The following ITPKB variants were observed in gnomAD, a reference collection of about 807,000 sequenced individuals.
The protein encoded by ITPKB is IP3 3-kinase B.
Under a neutral mutation model 69.4 loss-of-function variants are expected in ITPKB, and 13 were observed. The ratio of observed to expected loss-of-function variants is 0.19; its 90% CI spans 0.12 to 0.30. ITPKB has a LOEUF of 0.30. Ranked by LOEUF, ITPKB falls within the 10% of genes least tolerant of loss-of-function variation. ITPKB has a pLI of 1.00. For missense variants in ITPKB, 1,240 were observed against 1,250.5 expected, an observed-to-expected ratio of 0.99 and a Z score of 0.13; for synonymous variants, 584 against 513.7, an observed-to-expected ratio of 1.14 and a Z score of -1.85.
In ITPKB at chr1:226,633,313, T is replaced by G. The variant is rs893180796; in HGVS notation, c.*1358A>C. ...AGTCTCCCTCTGTGTCCCTAGCTCC[T>G]GGACTCTCCCAGCTCCTGTACCTCT... On this transcript the variant is annotated 3_prime_UTR_variant, in exon 8 of 8. Transcript: ENST00000429204. 6.6e-6 allele frequency: 1 copy of G among 152,156 alleles called. No homozygotes were observed. Among genetic ancestry groups the G allele is most frequent in the African/African-American group, 2.4e-5 (1 of 41,412 alleles). The allele number at this position is 152,156 out of a possible 1,614,324, so 9.4% of individuals were successfully genotyped here.
rs1430853334 is a variant in ITPKB at position 226,738,718 on chromosome 1, C to T, written c.-206+323G>A. Among the ~76,000 whole-genome samples the T allele has an allele frequency of 2.0e-5, 3 of 152,180 alleles. No homozygotes were observed. The highest frequency in any genetic ancestry group is 4.8e-5 in the African/African-American group (2 of 41,448). ...AGCGCCGCGGAGCGCAGGGCTTCTC[C>T]GCATCCCGGGCAGCCTCGCCCGGCG... On this transcript the variant is annotated intron_variant, in intron 1 of 7. Transcript: ENST00000429204. This position sits in a 1 kb window ranked among gnomAD's most constrained non-coding sequence, Gnocchi z 4.2.
chr1:226,636,918 T>G (rs1434160488), intron 7 of ITPKB, among the ~76,000 whole-genome samples: 1 of 152,052 alleles, frequency 6.6e-6, no homozygotes, highest in African/African-American at 2.4e-5. Context: ...TATGAATGTG[T>G]GTGCATGCAT....
At chr1:226,733,379 T>C (rs1445492592) in intron 2 of ITPKB, among the ~76,000 whole-genome samples, 1 of 152,170 alleles carries the variant, frequency 6.6e-6, no homozygotes, top group Admixed American at 6.5e-5. Flanking sequence ...TGGCCTTCTG[T>C]AGACAAAATA....
At chr1:226,638,719 G>T (rs1218400647) in intron 6 of ITPKB, among the ~76,000 whole-genome samples, 1 of 152,100 alleles carries the variant, frequency 6.6e-6, no homozygotes, top group Admixed American at 6.6e-5. Context: ...GAGACAGCTC[G>T]CCAGCTCTTG....
rs1668741595 is a variant in ITPKB at position 226,632,133 on chromosome 1, C to G, written c.*2538G>C. 1 of 152,660 alleles carries G rather than the reference C, an allele frequency of 6.6e-6. No homozygotes were observed. The allele number at this position is 152,660 out of a possible 1,614,324, so 9.5% of individuals were successfully genotyped here. On this transcript the variant is annotated 3_prime_UTR_variant, in exon 8 of 8. Coordinates refer to ENST00000429204, the MANE Select transcript of ITPKB (RefSeq NM_002221.4). The stretch of plus-strand genomic sequence containing the variant: ...TAACTTAAAAATGTCTTACATGACA[C>G]TAAAGGCAAGCCTGGGAAAAGCAAG...
intron 2 of ITPKB, chr1:226,707,938 C>A: frequency 7.5e-7 from 1 of 1,325,390 alleles, no homozygotes; most frequent in East Asian, 4.9e-5. Context: ...GAAAAGAGGT[C>A]ATTTTAACAA....
intron 2 of ITPKB, among the ~76,000 whole-genome samples, chr1:226,696,260 TTAAG>T (rs1656481429): frequency 6.6e-6 from 1 of 152,184 alleles, no homozygotes; most frequent in Admixed American, 6.5e-5. Flanking sequence ...TGGTATGGGA[TTAAG>T]TGAGACTTAA....
At position 226,658,040 on chromosome 1, in the gene ITPKB, G is replaced by T. The variant is rs140321134; in HGVS notation, c.1933-9269C>A. 3.3e-3 allele frequency among the ~76,000 whole-genome samples: 506 copies of T among 152,336 alleles called. 1 individual carries two copies. Among genetic ancestry groups the T allele is most frequent in the Non-Finnish European group, 5.5e-3 (374 of 68,030 alleles). On this transcript the variant is annotated intron_variant, in intron 2 of 7. Transcript: ENST00000429204. Reference sequence around the variant, plus strand: ...AAAGCGTCGAAAGTGGATGAAGAACGCCCCTGCCAGGGGAGAATTTGTTCT... The same window carrying T: ...AAAGCGTCGAAAGTGGATGAAGAACTCCCCTGCCAGGGGAGAATTTGTTCT...
intron 2 of ITPKB, among the ~76,000 whole-genome samples, chr1:226,665,880 G>T (rs528368543): frequency 1.3e-5 from 2 of 152,358 alleles, no homozygotes; most frequent in South Asian, 2.1e-4. Context: ...AGCACCTGTG[G>T]TGGGGCCAGG....
chr1:226,668,495 C>A (rs1669549030), intron 2 of ITPKB, among the ~76,000 whole-genome samples: 1 of 152,200 alleles, frequency 6.6e-6, no homozygotes, highest in African/African-American at 2.4e-5. Context: ...AGAACCTGGG[C>A]TATTCCATCC....
At chr1:226,703,074 G>A (rs1028217004) in intron 2 of ITPKB, among the ~76,000 whole-genome samples, 5 of 152,154 alleles carry the variant, frequency 3.3e-5, no homozygotes, top group Non-Finnish European at 5.9e-5. Flanking sequence ...AAGAACCCGA[G>A]ATTCCACTTT....
intron 2 of ITPKB, among the ~76,000 whole-genome samples, chr1:226,721,249 G>A (rs1245919264): frequency 6.7e-6 from 1 of 148,290 alleles, no homozygotes; most frequent in Admixed American, 6.8e-5. Flanking sequence ...TCAGGAGGCT[G>A]AGGCAGGAGA....
At chr1:226,678,246 T>G (rs908051789) in intron 2 of ITPKB, among the ~76,000 whole-genome samples, 1 of 152,192 alleles carries the variant, frequency 6.6e-6, no homozygotes, top group African/African-American at 2.4e-5. Context: ...CAAATAACAT[T>G]TGGTTATTAA....
rs115683822 is a variant in ITPKB, at chr1:226,711,952, G to A, written c.1932+23575C>T. ...CCTGGACATTTTTATTCTCCTCCCT[G>A]TTCTGCAAAAGGCCTCCCTGCGGGG... is the stretch of plus-strand genomic sequence containing the variant. On this transcript the variant is annotated intron_variant, in intron 2 of 7. Transcript: ENST00000429204. 2.1e-3 allele frequency among the ~76,000 whole-genome samples: 324 copies of A among 152,284 alleles called. 1 individual carries two copies. The highest frequency in any genetic ancestry group is 7.2e-3 in the African/African-American group (299 of 41,546).
chr1:226,737,304 C>T lies in ITPKB; in HGVS notation c.155G>A (p.Arg52Lys), dbSNP rs1330374800. The T allele has an allele frequency of 1.9e-6, 3 of 1,575,766 alleles. No individual in the cohort carries two copies. Among genetic ancestry groups the T allele is most frequent in the Non-Finnish European group, 2.6e-6 (3 of 1,167,930 alleles). Reference sequence around the variant, plus strand: ...TGGGGGGAAGAGGAAAGAGGCGCCTCTCCCGGGGCTGAAAACGCTGCCGGG... The same window carrying T: ...TGGGGGGAAGAGGAAAGAGGCGCCTTTCCCGGGGCTGAAAACGCTGCCGGG... ...LSPGSVFSPG[R>K]GASFLFPPAE... The change falls in exon 2 of 8, where the codon AGA (arginine) becomes AAA (lysine). Residue 52 changes from arginine (R) to lysine (K), a missense_variant. By Grantham distance (26) the Arg-to-Lys change is conservative. Transcript: ENST00000429204.
chr1:226,679,129 T>A (rs949331824), intron 2 of ITPKB, among the ~76,000 whole-genome samples: 7 of 152,204 alleles, frequency 4.6e-5, no homozygotes, highest in Non-Finnish European at 8.8e-5. Context: ...TATCTCTTCC[T>A]GCAGGTGTTT....
chr1:226,707,131 C>T (rs1001860605), intron 2 of ITPKB: 21 of 833,920 alleles, frequency 2.5e-5, no homozygotes, highest in Non-Finnish European at 2.5e-5. Context: ...AATAAAGGGA[C>T]CTAGTAGAAT....
intron 2 of ITPKB, among the ~76,000 whole-genome samples, chr1:226,665,377 C>T (rs1212589664): frequency 1.3e-5 from 2 of 152,244 alleles, no homozygotes; most frequent in Non-Finnish European, 2.9e-5. Flanking sequence ...ACCTACTTTG[C>T]TGAGCTGCTG....
intron 4 of ITPKB, among the ~76,000 whole-genome samples, chr1:226,644,457 C>T (rs962810368): frequency 2.6e-5 from 4 of 152,182 alleles, no homozygotes; most frequent in Non-Finnish European, 5.9e-5. Flanking sequence ...GAAAGCCACC[C>T]AGAGCTCCTA....
Sources: gnomAD v4.1 joint callset for allele counts (sites outside exome capture counted in the v4.1 genomes callset) on GRCh38, gnomAD v4.1.1 for gene constraint, Gnocchi (gnomAD v3.1) non-coding constraint, MANE v1.5 for transcripts, NCBI Gene and HGNC (gene_info 2026-07-23, HGNC 2026-07-21) for gene names.